The following NKD1 variants were observed in gnomAD, a reference collection of about 807,000 sequenced individuals.
NKD1 encodes protein naked cuticle homolog 1.
In NKD1, 21 loss-of-function variants were observed where a neutral mutation model predicts 56.0. The ratio of observed to expected loss-of-function variants is 0.38; its 90% CI spans 0.27 to 0.54. The LOEUF is 0.54. Ranked by LOEUF, NKD1 falls within the 20% of genes least tolerant of loss-of-function variation. The probability of loss-of-function intolerance (pLI) is 0.82; values close to 1 mark genes in which losing one functional copy is unlikely to be tolerated. For missense variants in NKD1, 578 were observed against 642.7 expected (o/e 0.90, Z 1.09); for synonymous variants, 263 against 265.7 (o/e 0.99, Z 0.10).
intron 3 of NKD1, chr16:50,556,378 C>T (rs4785435): frequency 0.021 from 3,128 of 152,420 alleles, 42 homozygotes; most frequent in Non-Finnish European, 0.032. Context: ...GGGCACCAGT[C>T]GTGGGGCTCT....
chr16:50,563,001 C>T (rs1246087590), intron 3 of NKD1, among the ~76,000 whole-genome samples: 4 of 139,192 alleles, frequency 2.9e-5, no homozygotes, highest in Admixed American at 7.0e-5. Flanking sequence ...CCCCCCCCGC[C>T]GTAGAATGGG....
At chr16:50,620,007 C>T (rs1046984415) in intron 4 of NKD1, among the ~76,000 whole-genome samples, 4 of 152,220 alleles carry the variant, frequency 2.6e-5, no homozygotes, top group South Asian at 2.1e-4. Context: ...CATTTACTAG[C>T]GAGGCACTTA....
chr16:50,585,071 A>G (rs1961198694), intron 3 of NKD1, among the ~76,000 whole-genome samples: 1 of 152,224 alleles, frequency 6.6e-6, no homozygotes, highest in African/African-American at 2.4e-5. Flanking sequence ...TTTGGAGAAC[A>G]GAGAGGATTC....
Position 50,644,824 on chromosome 16 carries a change from C to T in NKD1, c.*11043C>T, listed in dbSNP as rs554625895. 5.2e-5 allele frequency: 8 copies of T among 152,394 alleles called. No individual in the cohort carries two copies. The highest frequency in any genetic ancestry group is 2.6e-4 in the Admixed American group (4 of 15,306). The allele number at this position is 152,394 out of a possible 1,614,324, so 9.4% of individuals were successfully genotyped here. A position where few individuals can be genotyped will look rare whatever the true frequency, so the allele number is the denominator to read the frequency against. On this transcript the variant is annotated 3_prime_UTR_variant, in exon 10 of 10. Transcript: ENST00000268459. ...CAGTGTGGTGCATGTGAACTTCCCG[C>T]CTTCCCTTCCTTCCCTCCTCCCTCC...
intron 3 of NKD1, among the ~76,000 whole-genome samples, chr16:50,570,093 T>TA (rs1567336822): frequency 6.6e-6 from 1 of 152,320 alleles, no homozygotes; most frequent in Admixed American, 6.5e-5. Context: ...ATTAATAATT[T>TA]AAAAAAATCA....
chr16:50,579,689 T>C (rs546711865), intron 3 of NKD1, among the ~76,000 whole-genome samples: 158 of 147,660 alleles, frequency 1.1e-3, no homozygotes, highest in African/African-American at 3.6e-3. Flanking sequence ...ACGCATGCAC[T>C]GTCTTACTCC....
At chr16:50,570,651 C>T (rs748658560) in intron 3 of NKD1, among the ~76,000 whole-genome samples, 9 of 152,234 alleles carry the variant, frequency 5.9e-5, no homozygotes, top group African/African-American at 2.2e-4. Context: ...GCCTGTGAAA[C>T]ACTTAGCTCC....
chr16:50,559,777 C>T lies in NKD1; in HGVS notation c.192+10222C>T, dbSNP rs1473438308. Among the ~76,000 whole-genome samples, 7 of 152,294 alleles carry T rather than the reference C, an allele frequency of 4.6e-5. No individual in the cohort carries two copies. The East Asian group carries it at 9.7e-4, about 21-fold the overall frequency. Reference sequence around the variant, plus strand: ...GTCACCCTGGAGCGGATTGGCTGGCCTGCTGGGCTGCCCAAGCCTTCTGGC... The same window carrying T: ...GTCACCCTGGAGCGGATTGGCTGGCTTGCTGGGCTGCCCAAGCCTTCTGGC... On this transcript the variant is annotated intron_variant, in intron 3 of 9. Coordinates refer to ENST00000268459, the MANE Select transcript of NKD1 (RefSeq NM_033119.5).
intron 3 of NKD1, 93 bp from the exon 4 acceptor site, chr16:50,608,201 A>T (rs1961757155): frequency 1.2e-6 from 1 of 869,558 alleles, no homozygotes; most frequent in African/African-American, 1.7e-5. Flanking sequence ...CAATCAGAAG[A>T]ATCAGCCCAG....
In NKD1 at chr16:50,625,500, G is replaced by C. The variant is rs749813334; in HGVS notation, c.382G>C (p.Val128Leu). ...QLKFEELQCD[V>L]SMEEDSRQEW... Reference sequence around the variant, plus strand: ...CTGCATCCAGGAGCTCCAGTGCGACGTGTCCATGGAGGAGGACAGCCGGCA... The same window carrying C: ...CTGCATCCAGGAGCTCCAGTGCGACCTGTCCATGGAGGAGGACAGCCGGCA... Residue 128 changes from valine to leucine, a missense_variant, in exon 6 of 10, where the codon GTG becomes CTG. Transcript: ENST00000268459. The C allele has an allele frequency of 1.9e-6, 3 of 1,612,472 alleles. No homozygotes were observed. The highest frequency in any genetic ancestry group is 1.7e-4 in the Middle Eastern group (1 of 6,060).
rs560204558 is a variant in NKD1 at position 50,588,051 on chromosome 16, A to G, written c.193-20243A>G. On this transcript the variant is annotated intron_variant, in intron 3 of 9. Coordinates refer to ENST00000268459, the MANE Select transcript of NKD1 (RefSeq NM_033119.5). ...GTTGGGGATCACTGCCCTAGTGCAG[A>G]TGTCCTCAGGGCAGGTGTGGCTGAT... Among the ~76,000 whole-genome samples the G allele has an allele frequency of 6.2e-4, 95 of 152,306 alleles. 1 individual carries two copies. Among genetic ancestry groups the G allele is most frequent in the African/African-American group, 2.2e-3 (92 of 41,556 alleles).
rs1960363269 is a variant in NKD1 at position 50,550,691 on chromosome 16, G to T, written c.192+1136G>T. The stretch of plus-strand genomic sequence containing the variant: ...CCTAGTAAAGGTCAAATCTTGGTGG[G>T]CGGGGGGCACTGCAGTTGGGGCCCT... On this transcript the variant is annotated intron_variant, in intron 3 of 9. Transcript: ENST00000268459. Among the ~76,000 whole-genome samples the T allele has an allele frequency of 2.6e-5, 4 of 152,054 alleles. No individual in the cohort carries two copies. The South Asian group carries it at 8.3e-4, about 32-fold the overall frequency.
chr16:50,573,081 G>A (rs1233249113), intron 3 of NKD1: 1 of 154,300 alleles, frequency 6.5e-6, no homozygotes, highest in Non-Finnish European at 1.4e-5. Context: ...GTTGGTGTGT[G>A]AATCAGTAAA....
chr16:50,610,635 G>A (rs889496426), intron 4 of NKD1, among the ~76,000 whole-genome samples: 9 of 152,318 alleles, frequency 5.9e-5, no homozygotes, highest in East Asian at 1.9e-4. Flanking sequence ...GCCTCTTGGC[G>A]GGCTGGAGAG....
At position 50,623,992 on chromosome 16, in the gene NKD1, G is replaced by A. The variant is rs1466228371; in HGVS notation, c.367-1493G>A. ...GGTTGGCTTTGAACTCAGCGTGGGC[G>A]CCCGAGAATTGCTGGAGGGAAATGG... On this transcript the variant is annotated intron_variant, in intron 5 of 9. Coordinates refer to ENST00000268459, the MANE Select transcript of NKD1 (RefSeq NM_033119.5). This position sits in a 1 kb window ranked among gnomAD's most constrained non-coding sequence, Gnocchi z 4.1. 1.3e-5 allele frequency among the ~76,000 whole-genome samples: 2 copies of A among 152,046 alleles called. No individual in the cohort carries two copies. Among genetic ancestry groups the A allele is most frequent in the Admixed American group, 6.5e-5 (1 of 15,268 alleles).
chr16:50,579,629 CACTGTCTT>C (rs1961071146), intron 3 of NKD1, among the ~76,000 whole-genome samples: 1 of 139,860 alleles, frequency 7.2e-6, no homozygotes, highest in East Asian at 2.2e-4. Flanking sequence ...GCCACGCATG[CACTGTCTT>C]ACTCCTGCGG....
At chr16:50,616,961 A>G (rs922460620) in intron 4 of NKD1, among the ~76,000 whole-genome samples, 2 of 152,152 alleles carry the variant, frequency 1.3e-5, no homozygotes, top group Non-Finnish European at 2.9e-5. Context: ...ACCCCAGACC[A>G]AGGGGAAGAG....
chr16:50,548,432 G>T lies in NKD1; in HGVS notation c.-122G>T. 3.4e-6 allele frequency: 1 copy of T among 292,434 alleles called. No individual in the cohort carries two copies. Among genetic ancestry groups the T allele is most frequent in the South Asian group, 1.1e-4 (1 of 8,828 alleles). 18.1% of individuals were successfully genotyped at this position (292,434 alleles called of 1,614,324 possible). On this transcript the variant is annotated 5_prime_UTR_variant, in exon 1 of 10. Transcript: ENST00000268459. ...GGCGACGGCGGCAGGAGCGCGTCCC[G>T]GCGCCGCCTCGGGCTCCGCTCGGCT...
chr16:50,601,534 G>A (rs1053036877), intron 3 of NKD1, among the ~76,000 whole-genome samples: 3 of 152,222 alleles, frequency 2.0e-5, no homozygotes, highest in African/African-American at 7.2e-5. Context: ...CCTGAGGCTG[G>A]TCCCAGTACT....
Sources: allele counts gnomAD v4.1 joint callset (sites outside exome capture counted in the v4.1 genomes callset), GRCh38; gene constraint gnomAD v4.1.1; non-coding constraint Gnocchi (gnomAD v3.1); transcripts MANE v1.5; gene names NCBI Gene and HGNC (gene_info 2026-07-23, HGNC 2026-07-21).